Variants in SLC7A11 observed in about 807,000 individuals in gnomAD.
The protein encoded by SLC7A11 is cystine/glutamate transporter.
SLC7A11 carries 35 observed loss-of-function variants against 54.5 expected under a neutral mutation model. The ratio of observed to expected loss-of-function variants is 0.64; its 90% confidence interval spans 0.49 to 0.85. SLC7A11 has a LOEUF of 0.85. SLC7A11 is among the 40% of genes least tolerant of loss of function. The pLI is 0.00. For missense variants in SLC7A11, 583 were observed against 618.1 expected, an observed-to-expected ratio of 0.94 and a Z score of 0.60; for synonymous variants, 230 against 225.2, an observed-to-expected ratio of 1.02 and a Z score of -0.19.
chr4:138,183,437 T>A, intron 7 of SLC7A11, 132 bp from the exon 8 acceptor site: 1 of 660,802 alleles, frequency 1.5e-6, no homozygotes, highest in Non-Finnish European at 2.7e-6. Flanking sequence ...ATTTCTCTCT[T>A]TGGTTAGGGT....
chr4:138,175,127 C>G (rs1736537913), intron 11 of SLC7A11, among the ~76,000 whole-genome samples: 1 of 152,172 alleles, frequency 6.6e-6, no homozygotes, highest in African/African-American at 2.4e-5. Context: ...GCACTGCAGT[C>G]TTTGTGAACA....
intron 5 of SLC7A11, among the ~76,000 whole-genome samples, chr4:138,217,680 C>G (rs1737712126): frequency 1.3e-5 from 2 of 152,210 alleles, no homozygotes; most frequent in Admixed American, 1.3e-4. Flanking sequence ...TCACATTCCA[C>G]ACTCGTGGTT....
intron 6 of SLC7A11, among the ~76,000 whole-genome samples, chr4:138,210,026 A>T (rs1207248521): frequency 6.6e-6 from 1 of 151,882 alleles, no homozygotes; most frequent in Non-Finnish European, 1.5e-5. Context: ...AAACAGAATG[A>T]TACAGGTACA....
intron 2 of SLC7A11, among the ~76,000 whole-genome samples, chr4:138,234,697 T>C (rs944202533): frequency 1.3e-5 from 2 of 152,188 alleles, no homozygotes; most frequent in African/African-American, 4.8e-5. Flanking sequence ...TAAATTAATA[T>C]ATGAATATTT....
chr4:138,219,272 G>C lies in SLC7A11; in HGVS notation c.740C>G (p.Ala247Gly). The change falls in exon 5 of 12, where the codon GCT becomes GGT. Residue 247 changes from alanine to glycine, a missense_variant. Coordinates refer to ENST00000280612, the MANE Select transcript of SLC7A11 (RefSeq NM_014331.4). ...TCTGGAGCTATCAACTTACCAGCCA[G>C]CATATGCATACATTCCATAATAAAA... ...LAFYYGMYAY[A>G]GWFYLNFVTE... The C allele has an allele frequency of 1.9e-6, 3 of 1,571,968 alleles. No individual in the cohort carries two copies. Among genetic ancestry groups the C allele is most frequent in the Admixed American group, 1.7e-5 (1 of 59,820 alleles).
In SLC7A11 at chr4:138,179,324, T is replaced by TA. The variant is rs2148410815; in HGVS notation, c.1336_1337insT (p.Asp446ValfsTer4). On this transcript the variant is annotated frameshift_variant, in exon 11 of 12. Coordinates refer to ENST00000280612, the MANE Select transcript of SLC7A11 (RefSeq NM_014331.4). LOFTEE classifies it high-confidence loss of function. ...GAAGCCAATCCCTGTACTAAATGGGTCCGAATAGAGGGAAAGGGCAACCAT... is the reference window on the plus strand; with the variant it reads ...GAAGCCAATCCCTGTACTAAATGGGTACCGAATAGAGGGAAAGGGCAACCAT... 1 of 1,612,550 alleles carries TA rather than the reference T, an allele frequency of 6.2e-7. No homozygotes were observed. The highest frequency in any genetic ancestry group is 2.2e-5 in the East Asian group (1 of 44,796).
Position 138,241,990 on chromosome 4 carries a change from A to C in SLC7A11, c.80T>G (p.Leu27Arg). 2 of 1,614,174 alleles carry C rather than the reference A, an allele frequency of 1.2e-6. No homozygotes were observed. The highest frequency in any genetic ancestry group is 1.7e-6 in the Non-Finnish European group (2 of 1,180,038). Reference sequence around the variant, plus strand: ...CTGCCCAGGTGGCTCCTTGTTGCCCAGGGAAGGCAGCCTCCCGTTAACATT... The same window carrying C: ...CTGCCCAGGTGGCTCCTTGTTGCCCCGGGAAGGCAGCCTCCCGTTAACATT... ...QGNVNGRLPS[L>R]GNKEPPGQEK... is the part of the protein sequence containing the mutation. The change falls in exon 1 of 12, where the codon CTG (leucine) becomes CGG (arginine). Residue 27 changes from leucine (L) to arginine (R), a missense_variant. By Grantham distance (102) the Leu-to-Arg change is moderately radical. Transcript: ENST00000280612.
intron 2 of SLC7A11, among the ~76,000 whole-genome samples, chr4:138,235,922 A>G (rs891494088): frequency 5.9e-5 from 9 of 152,222 alleles, no homozygotes; most frequent in African/African-American, 2.2e-4. Flanking sequence ...CACAATGACT[A>G]AGTAAAGTTA....
At chr4:138,226,102 CAAA>C (rs1737942357) in intron 3 of SLC7A11, among the ~76,000 whole-genome samples, 1 of 151,990 alleles carries the variant, frequency 6.6e-6, no homozygotes, top group Non-Finnish European at 1.5e-5. Context: ...AAATGGAAGA[CAAA>C]ATTAAACAGA....
In SLC7A11 at chr4:138,232,304, A is replaced by G. The variant is rs994196290; in HGVS notation, c.483T>C (p.Pro161=). 3 of 1,613,226 alleles carry G rather than the reference A, an allele frequency of 1.9e-6. No homozygotes were observed. The African/African-American group carries it at 4.0e-5, about 22-fold the overall frequency. Residue 161 remains proline, a synonymous_variant, in exon 3 of 12, where the codon CCT becomes CCC. Coordinates refer to ENST00000280612, the MANE Select transcript of SLC7A11 (RefSeq NM_014331.4). ...CTGTAATGAGCTTGATCGCAAGTTC[A>G]GGGATTTCACATTGAATAAAAAATG... ...LEPFFIQCEI[P]ELAIKLITAV... is the part of the protein sequence containing the mutation.
intron 1 of SLC7A11, 91 bp from the exon 2 acceptor site, chr4:138,236,542 C>T (rs1738212465): frequency 3.2e-6 from 4 of 1,260,702 alleles, no homozygotes. Context: ...TATATGTTGC[C>T]TGAGATGTAA....
rs1032797949 is a variant in SLC7A11, at chr4:138,169,075, C to T, written c.*2881G>A. The T allele has an allele frequency of 6.6e-6, 1 of 152,018 alleles. No homozygotes were observed. The highest frequency in any genetic ancestry group is 2.4e-5 in the African/African-American group (1 of 41,394). 9.4% of individuals were successfully genotyped at this position (152,018 alleles called of 1,614,324 possible). ...TATATTAGTTATTTTAAACAGTATT[C>T]ATTACTTTTACTGTTTATGTTATAA... On this transcript the variant is annotated 3_prime_UTR_variant, in exon 12 of 12. Transcript: ENST00000280612.
At chr4:138,241,425 C>T (rs1410007870) in intron 1 of SLC7A11, among the ~76,000 whole-genome samples, 2 of 152,220 alleles carry the variant, frequency 1.3e-5, no homozygotes, top group Non-Finnish European at 2.9e-5. Context: ...ACAGGTGTCT[C>T]ATTCAGCATG....
intron 1 of SLC7A11, among the ~76,000 whole-genome samples, chr4:138,237,710 TATATATATATATATATATA>T (rs1738247545): frequency 3.5e-4 from 2 of 5,656 alleles, no homozygotes; most frequent in Non-Finnish European, 7.4e-4. Context: ...AATATATATA[TATATATATATATATATATA>T]TATATATATT....
intron 1 of SLC7A11, among the ~76,000 whole-genome samples, chr4:138,238,713 C>A (rs149548937): frequency 6.6e-6 from 1 of 152,002 alleles, no homozygotes. Flanking sequence ...GATCCTTCCA[C>A]GTCAGCCTCC....
rs759304822 is a variant in SLC7A11, at chr4:138,182,312, T to C, written c.1101A>G (p.Pro367=). ...MIHVRKHTPL[P]AVIVLHPLTM... ...TATGCATTACCAAAACAATAACAGCTGGTAGAGGAGTGTGCTTGCGGACAT... is the reference window on the plus strand; with the variant it reads ...TATGCATTACCAAAACAATAACAGCCGGTAGAGGAGTGTGCTTGCGGACAT... The change falls in exon 9 of 12, where the codon CCA becomes CCG. Residue 367 remains proline (P), a synonymous_variant. Coordinates refer to ENST00000280612, the MANE Select transcript of SLC7A11 (RefSeq NM_014331.4). 14 of 1,606,694 alleles carry C rather than the reference T, an allele frequency of 8.7e-6. No homozygotes were observed. The highest frequency in any genetic ancestry group is 1.7e-5 in the Admixed American group (1 of 59,846).
chr4:138,225,069 C>CA (rs936377916), intron 3 of SLC7A11, among the ~76,000 whole-genome samples: 2 of 134,310 alleles, frequency 1.5e-5, no homozygotes, highest in Non-Finnish European at 3.2e-5. Context: ...CAGAACAAAA[C>CA]AAAAAAAAGA....
chr4:138,219,314 G>A lies in SLC7A11; in HGVS notation c.698C>T (p.Thr233Met), dbSNP rs751679927. 1.2e-5 allele frequency: 20 copies of A among 1,610,794 alleles called. No homozygotes were observed. The highest frequency in any genetic ancestry group is 3.3e-5 in the South Asian group (3 of 90,922). The change falls in exon 5 of 12, where the codon ACG becomes ATG. Residue 233 changes from threonine (T) to methionine (M), a missense_variant. By Grantham distance (81) the Thr-to-Met change is moderately conservative (BLOSUM62 -1). Transcript: ENST00000280612. Reference protein sequence around the residue: ...DAFSGRDSSITRLPLAFYYGM... With the variant: ...DAFSGRDSSIMRLPLAFYYGM... The stretch of plus-strand genomic sequence containing the variant: ...ATAATAAAAAGCCAGTGGCAACCGC[G>A]TAATACTTGAATCTCTTCCTGAAAA...
At chr4:138,222,664 A>C (rs528486349) in intron 4 of SLC7A11, among the ~76,000 whole-genome samples, 1 of 152,340 alleles carries the variant, frequency 6.6e-6, no homozygotes, top group East Asian at 1.9e-4. Context: ...AATAAAAATT[A>C]AGTTTTTACA....
Sources: allele counts gnomAD v4.1 joint callset (sites outside exome capture counted in the v4.1 genomes callset), GRCh38; gene constraint gnomAD v4.1.1; transcripts MANE v1.5; gene names NCBI Gene and HGNC (gene_info 2026-07-23, HGNC 2026-07-21).